KLF12: variants seen among roughly 807,000 people sequenced by gnomAD.
KLF12 encodes the protein KLF transcription factor 12.
Under a neutral mutation model 37.8 loss-of-function variants are expected in KLF12, and 9 were observed. That is an observed-to-expected ratio of 0.24 (90% CI 0.14 to 0.42). The LOEUF is 0.42. KLF12 is among the 10% of genes least tolerant of loss of function. The pLI is 1.00. For synonymous variants in KLF12, 208 were observed against 202.1 expected (o/e 1.03, Z -0.25); for missense variants, 411 against 516.0 (o/e 0.80, Z 1.97).
intron 2 of KLF12, among the ~76,000 whole-genome samples, chr13:73,951,909 T>C (rs1174363280): frequency 1.3e-5 from 2 of 152,198 alleles, no homozygotes; most frequent in Admixed American, 1.3e-4. Context: ...GTAACAGTAC[T>C]CCTATCCTAG....
upstream of KLF12, among the ~76,000 whole-genome samples, chr13:74,135,141 G>A (rs553223004): frequency 6.6e-6 from 1 of 152,106 alleles, no homozygotes; most frequent in African/African-American, 2.4e-5. Flanking sequence ...GGGCGAAGCG[G>A]GGGCGCCCCT....
intron 3 of KLF12, among the ~76,000 whole-genome samples, chr13:73,935,301 T>C (rs1176070761): frequency 6.6e-6 from 1 of 152,140 alleles, no homozygotes; most frequent in East Asian, 1.9e-4. Context: ...CTTTGGATAG[T>C]TTTTATTGCT....
intron 2 of KLF12, among the ~76,000 whole-genome samples, chr13:73,987,643 G>C (rs561943010): frequency 1.4e-5 from 2 of 147,308 alleles, no homozygotes; most frequent in Non-Finnish European, 3.0e-5. Context: ...GAGAGAAAGT[G>C]GGGGGAGAGG....
the KLF12 span, among the ~76,000 whole-genome samples, chr13:74,271,073 T>C: frequency 6.6e-6 from 1 of 152,120 alleles, no homozygotes; most frequent in Non-Finnish European, 1.5e-5. Context: ...GGCATTAGAT[T>C]CTCATAAGAG....
the KLF12 span, among the ~76,000 whole-genome samples, chr13:74,178,147 G>A: frequency 3.9e-4 from 59 of 152,298 alleles, no homozygotes; most frequent in Middle Eastern, 3.4e-3. Context: ...ATGGTCATCA[G>A]CCAGTGTGGG....
chr13:74,026,687 T>C (rs1232722857), intron 1 of KLF12, among the ~76,000 whole-genome samples: 1 of 152,216 alleles, frequency 6.6e-6, no homozygotes, highest in East Asian at 1.9e-4. Flanking sequence ...TCAGTATCAT[T>C]CACCTTGATT....
the KLF12 span, among the ~76,000 whole-genome samples, chr13:74,291,391 G>A: frequency 6.6e-6 from 1 of 152,248 alleles, no homozygotes; most frequent in East Asian, 1.9e-4. Context: ...AGGAAGAAGT[G>A]TTGGTAGTGA....
At chr13:74,260,238 T>C in the KLF12 span, among the ~76,000 whole-genome samples, 2 of 152,228 alleles carry the variant, frequency 1.3e-5, no homozygotes, top group African/African-American at 4.8e-5. Context: ...TTCTCTCTCA[T>C]GTGACACATA....
the KLF12 span, among the ~76,000 whole-genome samples, chr13:74,203,037 T>G: frequency 1.3e-5 from 2 of 152,216 alleles, no homozygotes; most frequent in African/African-American, 4.8e-5. Flanking sequence ...AACTAGTGAT[T>G]TATTATTAAA....
intron 6 of KLF12, among the ~76,000 whole-genome samples, chr13:73,742,606 G>A (rs749381753): frequency 1.6e-4 from 25 of 152,006 alleles, no homozygotes; most frequent in Non-Finnish European, 1.2e-4. Flanking sequence ...CAAATCTCAT[G>A]TCCTTCTCAC....
chr13:74,092,990 A>G (rs1322900466), intron 1 of KLF12, among the ~76,000 whole-genome samples: 2 of 152,196 alleles, frequency 1.3e-5, no homozygotes, highest in African/African-American at 4.8e-5. Context: ...CCTTCTCACA[A>G]CTACGCACTT....
At chr13:73,836,304 A>C (rs904062048) in intron 4 of KLF12, among the ~76,000 whole-genome samples, 4 of 152,194 alleles carry the variant, frequency 2.6e-5, no homozygotes, top group Non-Finnish European at 4.4e-5. Flanking sequence ...AGAGCTGAGA[A>C]AATAGTAACA....
the KLF12 span, among the ~76,000 whole-genome samples, chr13:74,260,201 G>A: frequency 8.5e-5 from 13 of 152,144 alleles, no homozygotes; most frequent in African/African-American, 2.4e-4. Flanking sequence ...TTTGGTAAGA[G>A]GTTACTTGGA....
At chr13:73,984,810 A>G (rs566060870) in intron 2 of KLF12, among the ~76,000 whole-genome samples, 34 of 152,354 alleles carry the variant, frequency 2.2e-4, no homozygotes, top group Middle Eastern at 3.4e-3. Context: ...CAGTTTGAAG[A>G]TGAACTGTAG....
chr13:73,961,672 T>A (rs1891025033), intron 2 of KLF12, among the ~76,000 whole-genome samples: 1 of 152,116 alleles, frequency 6.6e-6, no homozygotes, highest in Non-Finnish European at 1.5e-5. Flanking sequence ...TTAAGGAGTG[T>A]GTGTTATAAT....
chr13:73,703,282 T>C (rs1240482292), intron 7 of KLF12, among the ~76,000 whole-genome samples: 1 of 152,176 alleles, frequency 6.6e-6, no homozygotes, highest in African/African-American at 2.4e-5. Context: ...GAAATAAAAA[T>C]AATATAAAGT....
chr13:74,136,780 TA>T (rs58976692), upstream of KLF12, among the ~76,000 whole-genome samples: 33,002 of 143,148 alleles, frequency 0.23, 5,355 homozygotes, highest in African/African-American at 0.48. Flanking sequence ...CCTGTGTGGT[TA>T]AAAAAAAAAA....
chr13:74,083,364 A>T (rs767074779), intron 1 of KLF12, among the ~76,000 whole-genome samples: 1 of 152,102 alleles, frequency 6.6e-6, no homozygotes, highest in Admixed American at 6.6e-5. Flanking sequence ...AAATTAGCCC[A>T]GGTATGGTGA....
At chr13:74,103,919 T>C (rs1213842534) in intron 1 of KLF12, among the ~76,000 whole-genome samples, 1 of 152,204 alleles carries the variant, frequency 6.6e-6, no homozygotes, top group Non-Finnish European at 1.5e-5. Context: ...GTTAGAAGTC[T>C]ATGGGGTTAA....
Sources: gnomAD v4.1 joint callset for allele counts (sites outside exome capture counted in the v4.1 genomes callset) on GRCh38, gnomAD v4.1.1 for gene constraint, MANE v1.5 for transcripts, NCBI Gene and HGNC (gene_info 2026-07-23, HGNC 2026-07-21) for gene names.